DSCAML1: variants seen among roughly 807,000 people sequenced by gnomAD.
The protein encoded by DSCAML1 is cell adhesion molecule DSCAML1.
Under a neutral mutation model 200.5 loss-of-function variants are expected in DSCAML1, and 38 were observed. The ratio of observed to expected loss-of-function variants is 0.19; its 90% CI spans 0.15 to 0.25. The LOEUF (loss-of-function observed/expected upper bound fraction) is 0.25, where lower values mean the gene tolerates loss of function less well. Among genes scored for constraint, DSCAML1 ranks in the 10% least tolerant of loss-of-function variants. DSCAML1 has a pLI of 1.00. For synonymous variants in DSCAML1, 1,215 were observed against 1,165.0 expected, an observed-to-expected ratio of 1.04 and a Z score of -0.87; for missense variants, 2,223 against 2,858.8, an observed-to-expected ratio of 0.78 and a Z score of 5.07.
At chr11:117,606,964 T>A (rs1263869545) in intron 3 of DSCAML1, among the ~76,000 whole-genome samples, 1 of 152,210 alleles carries the variant, frequency 6.6e-6, no homozygotes, top group Non-Finnish European at 1.5e-5. Context: ...GGCAGAGTGC[T>A]AAGCAGTGAG....
intron 32 of DSCAML1, among the ~76,000 whole-genome samples, chr11:117,430,399 C>T (rs889704960): frequency 3.9e-5 from 6 of 152,234 alleles, no homozygotes; most frequent in South Asian, 2.1e-4. Flanking sequence ...CCTTACAACA[C>T]GCTGGGGATG....
intron 3 of DSCAML1, among the ~76,000 whole-genome samples, chr11:117,745,034 C>A (rs946486279): frequency 6.6e-6 from 1 of 152,056 alleles, no homozygotes; most frequent in East Asian, 1.9e-4. Context: ...ACCTCCTGAG[C>A]GAACCGCACA....
At chr11:117,551,104 T>C (rs887879200) in intron 3 of DSCAML1, among the ~76,000 whole-genome samples, 9 of 152,190 alleles carry the variant, frequency 5.9e-5, no homozygotes, top group African/African-American at 1.7e-4. Flanking sequence ...TATCCTCTAA[T>C]TAACATTTTG....
At chr11:117,536,880 TC>T (rs1371229667) in intron 3 of DSCAML1, among the ~76,000 whole-genome samples, 5 of 152,224 alleles carry the variant, frequency 3.3e-5, no homozygotes, top group African/African-American at 1.2e-4. Flanking sequence ...CGAGCAGGAC[TC>T]TACTTTTTTT....
In DSCAML1 at chr11:117,524,975, G is replaced by A; in HGVS notation, c.767C>T (p.Ala256Val). Residue 256 changes from alanine to valine, a missense_variant, in exon 5 of 33, where the codon GCC (alanine) becomes GTC (valine). Transcript: ENST00000651296. ...PCTASGYPIP[A>V]IRWLKDGRPL... The stretch of plus-strand genomic sequence containing the variant: ...CCGGCCATCCTTGAGCCAGCGGATG[G>A]CGGGGATAGGGTAGCCCGAGGCGGT... 6.2e-7 allele frequency: 1 copy of A among 1,613,036 alleles called. No homozygotes were observed. The highest frequency in any genetic ancestry group is 8.5e-7 in the Non-Finnish European group (1 of 1,179,734).
intron 20 of DSCAML1, among the ~76,000 whole-genome samples, chr11:117,449,905 C>T (rs1371293316): frequency 6.6e-6 from 1 of 152,308 alleles, no homozygotes; most frequent in Non-Finnish European, 1.5e-5. Context: ...ATCCTCCCTT[C>T]CCTCTCTGTG....
At chr11:117,542,707 G>T (rs1393555550) in intron 3 of DSCAML1, among the ~76,000 whole-genome samples, 1 of 152,254 alleles carries the variant, frequency 6.6e-6, no homozygotes, top group Admixed American at 6.5e-5. Flanking sequence ...CAAATACTAG[G>T]CACTGTGCCA....
chr11:117,494,729 C>T (rs2049257388), intron 11 of DSCAML1, among the ~76,000 whole-genome samples: 1 of 152,142 alleles, frequency 6.6e-6, no homozygotes, highest in Admixed American at 6.5e-5. Context: ...AAGGTGAGCC[C>T]TTAATCCAAT....
At position 117,438,015 on chromosome 11, in the gene DSCAML1, G is replaced by A. The variant is rs760529990; in HGVS notation, c.4312C>T (p.Arg1438Cys). The A allele has an allele frequency of 6.2e-6, 10 of 1,614,094 alleles. No individual in the cohort carries two copies. The East Asian group carries it at 8.9e-5, about 14-fold the overall frequency. ...TTGAGGCTGTCCAGCTTGAAGGAGC[G>A]CTCGCTGGAGCTGATGAACACATCC... ...WKDVFISSSE[R>C]SFKLDSLKCG... is the part of the protein sequence containing the mutation. The change falls in exon 25 of 33, where the codon CGC becomes TGC. Residue 1438 changes from arginine to cysteine, a missense_variant. Physicochemically the swap from Arg to Cys is radical, Grantham distance 180. Coordinates refer to ENST00000651296, the MANE Select transcript of DSCAML1 (RefSeq NM_020693.4).
Position 117,428,890 on chromosome 11 carries a change from A to G in DSCAML1, c.5687-87T>C, listed in dbSNP as rs1294248190. ...AGCCCCCACCCCATCCCCTGCCCCC[A>G]GTCTTCTCTCTGATTTGGCATAGGG... On this transcript the variant is annotated intron_variant, in intron 32 of 32. Transcript: ENST00000651296. The G allele has an allele frequency of 3.0e-6, 4 of 1,322,002 alleles. No homozygotes were observed. In the Admixed American group the frequency reaches 9.1e-5, roughly 30 times the overall value. 81.9% of individuals were successfully genotyped at this position (1,322,002 alleles called of 1,614,324 possible). A position where few individuals can be genotyped will look rare whatever the true frequency, so the allele number is the denominator to read the frequency against.
chr11:117,778,721 A>G (rs1043560997), intron 2 of DSCAML1, among the ~76,000 whole-genome samples: 2 of 152,200 alleles, frequency 1.3e-5, no homozygotes, highest in African/African-American at 2.4e-5. Flanking sequence ...TCCTAACCCA[A>G]TGAGGGGGAG....
chr11:117,695,614 G>A (rs2053576899), intron 3 of DSCAML1, among the ~76,000 whole-genome samples: 1 of 152,112 alleles, frequency 6.6e-6, no homozygotes, highest in Admixed American at 6.6e-5. Context: ...TGGCGGAGTG[G>A]TATCATGGAA....
intron 3 of DSCAML1, among the ~76,000 whole-genome samples, chr11:117,669,793 G>A (rs189631509): frequency 6.6e-6 from 1 of 152,246 alleles, no homozygotes; most frequent in African/African-American, 2.4e-5. Context: ...CATGTGCAAA[G>A]GCCCTGGGGC....
At chr11:117,453,237 A>G (rs1351077398) in intron 19 of DSCAML1, among the ~76,000 whole-genome samples, 1 of 152,134 alleles carries the variant, frequency 6.6e-6, no homozygotes, top group African/African-American at 2.4e-5. Context: ...GTCCAACCCC[A>G]TTGTCGTTTA....
rs114521395 is a variant in DSCAML1, at chr11:117,488,457, G to A, written c.2360-6295C>T. On this transcript the variant is annotated intron_variant, in intron 11 of 32. Coordinates refer to ENST00000651296, the MANE Select transcript of DSCAML1 (RefSeq NM_020693.4). ...CAGCTGTACCTCACAGGGCTTTTTG[G>A]GTGAAGGCGGCCACCACGAATTCCC... Among the ~76,000 whole-genome samples, 1,040 of 152,172 alleles carry A rather than the reference G, an allele frequency of 6.8e-3. 13 individuals carry two copies. Among genetic ancestry groups the A allele is most frequent in the African/African-American group, 0.024 (1,003 of 41,500 alleles).
At chr11:117,673,177 A>G (rs1490988934) in intron 3 of DSCAML1, among the ~76,000 whole-genome samples, 1 of 152,236 alleles carries the variant, frequency 6.6e-6, no homozygotes, top group African/African-American at 2.4e-5. Flanking sequence ...GTGATCAAGA[A>G]AGGCAAACAC....
At chr11:117,472,165 A>G (rs1230522282) in intron 14 of DSCAML1, 129 bp from the exon 15 acceptor site, 3 of 1,014,366 alleles carry the variant, frequency 3.0e-6, no homozygotes, top group Non-Finnish European at 2.9e-6. Flanking sequence ...GACTGCAGAG[A>G]GGGCACAGGC....
intron 29 of DSCAML1, among the ~76,000 whole-genome samples, 198 bp downstream of exon 29, chr11:117,432,940 G>C (rs763897168): frequency 1.3e-5 from 2 of 152,268 alleles, no homozygotes; most frequent in Non-Finnish European, 2.9e-5. Flanking sequence ...AGAAAGGCCA[G>C]CAATTCCCTC....
rs149488943 is a variant in DSCAML1, at chr11:117,619,736, T to C, written c.512-87214A>G. Among the ~76,000 whole-genome samples the C allele has an allele frequency of 2.1e-4, 32 of 152,306 alleles. No homozygotes were observed. The East Asian group carries it at 4.1e-3, about 19-fold the overall frequency. ...TCTTGTTTTATCTCATCCTTTTTAG[T>C]TGATGGAGTAGTAGATTATAGATAC... is the stretch of plus-strand genomic sequence containing the variant. On this transcript the variant is annotated intron_variant, in intron 3 of 32. Coordinates refer to ENST00000651296, the MANE Select transcript of DSCAML1 (RefSeq NM_020693.4).
Sources: allele counts gnomAD v4.1 joint callset (sites outside exome capture counted in the v4.1 genomes callset), GRCh38; gene constraint gnomAD v4.1.1; transcripts MANE v1.5; gene names NCBI Gene and HGNC (gene_info 2026-07-23, HGNC 2026-07-21).